PTPRE: variants seen among roughly 807,000 people sequenced by gnomAD.
PTPRE encodes the protein receptor-type tyrosine-protein phosphatase epsilon.
A neutral mutation model predicts 102.0 loss-of-function variants in PTPRE; 51 were observed. The observed-to-expected ratio is 0.50, with a 90% CI of 0.40 to 0.63. The LOEUF (loss-of-function observed/expected upper bound fraction) is 0.63. Among genes scored for constraint, PTPRE ranks in the 30% least tolerant of loss-of-function variants. PTPRE has a pLI of 0.00. For synonymous variants in PTPRE, 345 were observed against 348.2 expected, an observed-to-expected ratio of 0.99 and a Z score of 0.10; for missense variants, 752 against 915.1, an observed-to-expected ratio of 0.82 and a Z score of 2.30.
intron 11 of PTPRE, among the ~76,000 whole-genome samples, chr10:128,067,424 G>A (rs1298565534): frequency 1.4e-5 from 2 of 146,958 alleles, no homozygotes; most frequent in African/African-American, 5.1e-5. Flanking sequence ...GTGCACACGT[G>A]TACGCACCCA....
At chr10:127,942,787 G>A (rs1056516189) in intron 1 of PTPRE, among the ~76,000 whole-genome samples, 3 of 152,216 alleles carry the variant, frequency 2.0e-5, no homozygotes, top group Non-Finnish European at 2.9e-5. Context: ...GTACTGGGGC[G>A]AGGTAGTGAT....
At chr10:128,003,659 T>C (rs1854209819) in intron 2 of PTPRE, among the ~76,000 whole-genome samples, 1 of 152,200 alleles carries the variant, frequency 6.6e-6, no homozygotes, top group South Asian at 2.1e-4. Context: ...ATTCTGCCAG[T>C]GTTTTAAAAT....
chr10:128,078,629 G>T (rs887347538), intron 19 of PTPRE, among the ~76,000 whole-genome samples: 2 of 152,190 alleles, frequency 1.3e-5, no homozygotes, highest in African/African-American at 4.8e-5. Context: ...AGCTGGCAGA[G>T]CTCTCTCCCT....
At chr10:127,992,722 A>T (rs1310106411) in intron 2 of PTPRE, among the ~76,000 whole-genome samples, 1 of 152,172 alleles carries the variant, frequency 6.6e-6, no homozygotes, top group African/African-American at 2.4e-5. Context: ...CTAAAATCCA[A>T]ATACAGCATC....
intron 1 of PTPRE, among the ~76,000 whole-genome samples, chr10:127,970,137 G>T (rs1850612755): frequency 6.6e-6 from 1 of 152,180 alleles, no homozygotes; most frequent in Admixed American, 6.5e-5. Context: ...GGCCCCCAGT[G>T]GCCTGGAAGT....
Position 127,907,266 on chromosome 10 carries a change from C to G in PTPRE, c.-74C>G, listed in dbSNP as rs1845535934. 1.0e-6 allele frequency: 1 copy of G among 984,712 alleles called. No homozygotes were observed. The highest frequency in any genetic ancestry group is 1.2e-6 in the Non-Finnish European group (1 of 829,710). 61.0% of individuals were successfully genotyped at this position (984,712 alleles called of 1,614,324 possible). A position where few individuals can be genotyped will look rare whatever the true frequency, so the allele number is the denominator to read the frequency against. Reference sequence around the variant, plus strand: ...GGCAGGCGCCCGGGAGATGCGGAGCCTCCGCTGCAGCGCGATCTGCGCGAC... The same window carrying G: ...GGCAGGCGCCCGGGAGATGCGGAGCGTCCGCTGCAGCGCGATCTGCGCGAC... On this transcript the variant is annotated 5_prime_UTR_variant, in exon 1 of 21. Coordinates refer to ENST00000254667, the MANE Select transcript of PTPRE (RefSeq NM_006504.6). The surrounding 1 kb of genome is among the most constrained non-coding windows in gnomAD (Gnocchi z 4.8).
chr10:127,967,352 A>G (rs1850336045), intron 1 of PTPRE, among the ~76,000 whole-genome samples: 1 of 152,126 alleles, frequency 6.6e-6, no homozygotes. Context: ...CCCACGTGTC[A>G]TGGGAGGGAC....
chr10:128,008,275 C>G lies in PTPRE; in HGVS notation c.-8+25979C>G. 6.7e-6 allele frequency among the ~76,000 whole-genome samples: 1 copy of G among 150,292 alleles called. No individual in the cohort carries two copies. The highest frequency in any genetic ancestry group is 2.0e-4 in the East Asian group (1 of 4,992). On this transcript the variant is annotated intron_variant, in intron 2 of 20. Transcript: ENST00000254667. The surrounding 1 kb of genome is among the most constrained non-coding windows in gnomAD (Gnocchi z 4.0). ...TCCCTCTCTCCCTCATTCCCTCCCT[C>G]CCTCCCTCCAGGTGCCTTTGCAGCC... is the stretch of plus-strand genomic sequence containing the variant.
chr10:127,998,501 G>A (rs1853514777), intron 2 of PTPRE: 1 of 152,188 alleles, frequency 6.6e-6, no homozygotes, highest in African/African-American at 2.4e-5. Flanking sequence ...ATAGTGAATT[G>A]AATGAAATGG....
At chr10:128,061,828 T>A in intron 9 of PTPRE, 113 bp downstream of exon 9, 1 of 1,290,318 alleles carries the variant, frequency 7.8e-7, no homozygotes. Context: ...TGTGTGTGTT[T>A]ACACCTAACA....
intron 2 of PTPRE, among the ~76,000 whole-genome samples, chr10:127,988,308 T>TC (rs907955868): frequency 2.0e-5 from 3 of 147,392 alleles, no homozygotes; most frequent in African/African-American, 5.0e-5. Context: ...TCTTTTCTTT[T>TC]TTTTTTTTTT....
intron 20 of PTPRE, among the ~76,000 whole-genome samples, chr10:128,080,612 T>C (rs1308972028): frequency 6.6e-6 from 1 of 152,162 alleles, no homozygotes; most frequent in African/African-American, 2.4e-5. Flanking sequence ...GCCAATATAT[T>C]CTATCTTCGA....
At chr10:127,995,706 T>C (rs187165811) in intron 2 of PTPRE, among the ~76,000 whole-genome samples, 123 of 152,298 alleles carry the variant, frequency 8.1e-4, no homozygotes, top group African/African-American at 2.8e-3. Flanking sequence ...AAAGCAAGCA[T>C]TGCTTGCAGT....
chr10:127,971,264 C>T (rs763092563), intron 1 of PTPRE, among the ~76,000 whole-genome samples: 7 of 152,200 alleles, frequency 4.6e-5, no homozygotes, highest in Non-Finnish European at 8.8e-5. Flanking sequence ...CAAAAAGGAC[C>T]CCAGTGGGCA....
At chr10:128,076,966 G>A (rs1250056641) in intron 18 of PTPRE, among the ~76,000 whole-genome samples, 1 of 152,134 alleles carries the variant, frequency 6.6e-6, no homozygotes, top group African/African-American at 2.4e-5. Context: ...TTAGCCATTA[G>A]CTGTAAGAGG....
intron 8 of PTPRE, 142 bp downstream of exon 8, chr10:128,061,157 G>A (rs529774213): frequency 3.4e-4 from 235 of 698,494 alleles, no homozygotes; most frequent in Non-Finnish European, 4.9e-4. Context: ...GGAACTGCCC[G>A]TGCTTTACAC....
rs1420440944 is a variant in PTPRE, at chr10:127,930,099, G to A, written c.-31+22790G>A. On this transcript the variant is annotated intron_variant, in intron 1 of 20. Transcript: ENST00000254667. The stretch of plus-strand genomic sequence containing the variant: ...AAAAAAAGAAAGAAAGAAAACAAAA[G>A]CATTGTTTTTAGATTTTATTTTTTA... Among the ~76,000 whole-genome samples the A allele has an allele frequency of 1.2e-4, 17 of 147,416 alleles. 2 individuals carry two copies. Among genetic ancestry groups the A allele is most frequent in the African/African-American group, 4.0e-4 (16 of 40,168 alleles).
At chr10:127,917,187 CTT>C (rs1846269220) in intron 1 of PTPRE, among the ~76,000 whole-genome samples, 1 of 151,506 alleles carries the variant, frequency 6.6e-6, no homozygotes, top group East Asian at 1.9e-4. Context: ...CAGACACAGG[CTT>C]ACGAGATGAT....
At chr10:128,072,324 A>G in intron 16 of PTPRE, 110 bp downstream of exon 16, 2 of 1,041,232 alleles carry the variant, frequency 1.9e-6, no homozygotes, top group Non-Finnish European at 2.8e-6. Flanking sequence ...TGTTTCCAGA[A>G]ACTCAGCCAT....
Sources: gnomAD v4.1 joint callset for allele counts (sites outside exome capture counted in the v4.1 genomes callset) on GRCh38, gnomAD v4.1.1 for gene constraint, Gnocchi (gnomAD v3.1) non-coding constraint, MANE v1.5 for transcripts, NCBI Gene and HGNC (gene_info 2026-07-23, HGNC 2026-07-21) for gene names.